STX2: variants seen among roughly 807,000 people sequenced by gnomAD.
STX2 encodes the protein syntaxin 2.
A neutral mutation model predicts 40.6 loss-of-function variants in STX2; 27 were observed. That is an observed-to-expected ratio of 0.66 (90% CI 0.49 to 0.92). The LOEUF (loss-of-function observed/expected upper bound fraction) is 0.92. Among genes scored for constraint, STX2 ranks in the 40% least tolerant of loss-of-function variants. The pLI is 0.00. For synonymous variants in STX2, 123 were observed against 119.1 expected (o/e 1.03, Z -0.22); for missense variants, 328 against 366.1 (o/e 0.90, Z 0.85).
At position 130,811,536 on chromosome 12, in the gene STX2, C is replaced by CTTTTTTT. The variant is rs71088788; in HGVS notation, c.280+1414_280+1420dup. Among the ~76,000 whole-genome samples, 4 of 95,552 alleles carry CTTTTTTT rather than the reference C, an allele frequency of 4.2e-5. 1 individual carries two copies. Among genetic ancestry groups the CTTTTTTT allele is most frequent in the Admixed American group, 1.3e-4 (1 of 7,612 alleles). The allele number at this position is 95,552 out of a possible 152,430, so 62.7% of individuals were successfully genotyped here. ...AAAATGTTAATGTCACCATTAACAT[C>CTTTTTTT]TTTTTTTTTTTTTTTTTTTTTGAGA... On this transcript the variant is annotated intron_variant, in intron 4 of 10. Coordinates refer to ENST00000392373, the MANE Select transcript of STX2 (RefSeq NM_194356.4).
At chr12:130,815,381 C>T (rs912672477) in intron 3 of STX2, among the ~76,000 whole-genome samples, 1 of 152,188 alleles carries the variant, frequency 6.6e-6, no homozygotes, top group Non-Finnish European at 1.5e-5. Flanking sequence ...AGCGTGACGA[C>T]GGGGTGTTCG....
chr12:130,804,111 G>C (rs1951335996), intron 6 of STX2, among the ~76,000 whole-genome samples: 1 of 152,162 alleles, frequency 6.6e-6, no homozygotes, highest in Non-Finnish European at 1.5e-5. Flanking sequence ...AACCATTCCA[G>C]AGAAAGCACT....
intron 9 of STX2, among the ~76,000 whole-genome samples, chr12:130,797,798 G>C (rs1234102756): frequency 2.6e-5 from 4 of 152,248 alleles, no homozygotes; most frequent in African/African-American, 9.6e-5. Context: ...TGTGCATCTT[G>C]AGTGAAAGGG....
intron 3 of STX2, among the ~76,000 whole-genome samples, chr12:130,820,471 G>A (rs1005127027): frequency 6.6e-6 from 1 of 152,154 alleles, no homozygotes; most frequent in Non-Finnish European, 1.5e-5. Context: ...TTCAAGACCA[G>A]CCTGGCCAAT....
rs1950853480 is a variant in STX2, at chr12:130,790,577, A to ATTTTGG, written c.*1440_*1445dup. The ATTTTGG allele has an allele frequency of 6.6e-6, 1 of 152,232 alleles. No homozygotes were observed. Among genetic ancestry groups the ATTTTGG allele is most frequent in the African/African-American group, 2.4e-5 (1 of 41,452 alleles). The allele number at this position is 152,232 out of a possible 1,614,324, so 9.4% of individuals were successfully genotyped here. On this transcript the variant is annotated 3_prime_UTR_variant, in exon 11 of 11. Coordinates refer to ENST00000392373, the MANE Select transcript of STX2 (RefSeq NM_194356.4). ...GTTTAATTATCATGAATCCCTATACATTTTGGAAATTAACTTTTAAAAGTT... is the reference window on the plus strand; with the variant it reads ...GTTTAATTATCATGAATCCCTATACATTTTGGTTTTGGAAATTAACTTTTAAAAGTT...
At chr12:130,797,536 C>T (rs901210261) in intron 9 of STX2, among the ~76,000 whole-genome samples, 6 of 152,096 alleles carry the variant, frequency 3.9e-5, no homozygotes, top group East Asian at 1.9e-4. Context: ...GCCTGCAGCC[C>T]GGGGGTGCGT....
At chr12:130,808,608 T>C in intron 5 of STX2, 23 bp downstream of exon 5, 1 of 1,602,726 alleles carries the variant, frequency 6.2e-7, no homozygotes, top group Non-Finnish European at 8.5e-7. Context: ...ATTACTTTAA[T>C]CTAAACGAGG....
chr12:130,799,455 G>A (rs1165157251), intron 8 of STX2, among the ~76,000 whole-genome samples: 1 of 152,194 alleles, frequency 6.6e-6, no homozygotes, highest in South Asian at 2.1e-4. Context: ...AGTAATTACA[G>A]AAATCATCTC....
chr12:130,818,569 C>A (rs928276807), intron 3 of STX2, among the ~76,000 whole-genome samples: 1 of 152,198 alleles, frequency 6.6e-6, no homozygotes, highest in Non-Finnish European at 1.5e-5. Flanking sequence ...TCCAGGGCCT[C>A]AGGGGCCTCC....
chr12:130,819,582 T>G (rs1952034294), intron 3 of STX2, among the ~76,000 whole-genome samples: 1 of 152,244 alleles, frequency 6.6e-6, no homozygotes, highest in African/African-American at 2.4e-5. Context: ...CAAAAAATAG[T>G]TCTCTCTGCT....
intron 10 of STX2, among the ~76,000 whole-genome samples, chr12:130,793,394 G>T (rs76615114): frequency 2.9e-3 from 444 of 152,244 alleles, no homozygotes; most frequent in African/African-American, 0.01. Flanking sequence ...AGAGGGAGGC[G>T]CGCGCCCTCC....
chr12:130,812,756 GTAACAGTA>G lies in STX2; in HGVS notation c.280+193_280+200del, dbSNP rs1951708037. The G allele has an allele frequency of 8.9e-6, 4 of 451,392 alleles. No homozygotes were observed. In the East Asian group the frequency reaches 1.6e-4, roughly 18 times the overall value. 28.0% of individuals were successfully genotyped at this position (451,392 alleles called of 1,614,324 possible). ...CTTAGCCTGAAATGTCATCAAAAAT[GTAACAGTA>G]TAACAGTTTATAAGCAAACACATAA... is the stretch of plus-strand genomic sequence containing the variant. On this transcript the variant is annotated intron_variant, in intron 4 of 10. Coordinates refer to ENST00000392373, the MANE Select transcript of STX2 (RefSeq NM_194356.4).
intron 10 of STX2, among the ~76,000 whole-genome samples, chr12:130,793,543 C>T (rs528793581): frequency 6.6e-6 from 1 of 152,342 alleles, no homozygotes; most frequent in East Asian, 1.9e-4. Context: ...CCACATCTGG[C>T]TTTCAGGATG....
At chr12:130,830,270 C>T (rs1271140826) in intron 1 of STX2, among the ~76,000 whole-genome samples, 2 of 152,154 alleles carry the variant, frequency 1.3e-5, no homozygotes, top group African/African-American at 2.4e-5. Context: ...TGCTCCCCAG[C>T]GCCACGCTTC....
chr12:130,829,614 C>T (rs1201401061), intron 1 of STX2, among the ~76,000 whole-genome samples: 1 of 152,204 alleles, frequency 6.6e-6, no homozygotes, highest in Non-Finnish European at 1.5e-5. Context: ...GTGCCAGCCC[C>T]GCCTCTCGGG....
Position 130,804,595 on chromosome 12 carries a change from T to C in STX2, c.463+2387A>G, listed in dbSNP as rs141789777. 4.8e-3 allele frequency among the ~76,000 whole-genome samples: 736 copies of C among 152,178 alleles called. 2 individuals are homozygous for C. The highest frequency in any genetic ancestry group is 0.017 in the African/African-American group (698 of 41,508). ...AGGCGGCTGTGGGGTCCACCGTCTCTGTCTCTCGGGGGCTTCTGTTCGTAC... is the reference window on the plus strand; with the variant it reads ...AGGCGGCTGTGGGGTCCACCGTCTCCGTCTCTCGGGGGCTTCTGTTCGTAC... On this transcript the variant is annotated intron_variant, in intron 6 of 10. Coordinates refer to ENST00000392373, the MANE Select transcript of STX2 (RefSeq NM_194356.4).
chr12:130,831,467 C>A (rs1952553958), intron 1 of STX2, among the ~76,000 whole-genome samples: 1 of 152,118 alleles, frequency 6.6e-6, no homozygotes, highest in Non-Finnish European at 1.5e-5. Flanking sequence ...GAGTTTGAGA[C>A]CAGCCTGGGC....
At chr12:130,807,484 G>A (rs550108409) in intron 5 of STX2, among the ~76,000 whole-genome samples, 19 of 149,848 alleles carry the variant, frequency 1.3e-4, no homozygotes, top group Non-Finnish European at 2.7e-4. Context: ...GTGCTTCATC[G>A]CCTTGTGCCC....
Position 130,832,928 on chromosome 12 carries a change from G to A in STX2, c.31-5661C>T, listed in dbSNP as rs552446686. On this transcript the variant is annotated intron_variant, in intron 1 of 10. Coordinates refer to ENST00000392373, the MANE Select transcript of STX2 (RefSeq NM_194356.4). ...TCTTATCCACAGCTCAGCTCACGGGGTGGCCCCCTGACCCACCCGGCCAAG... is the reference window on the plus strand; with the variant it reads ...TCTTATCCACAGCTCAGCTCACGGGATGGCCCCCTGACCCACCCGGCCAAG... Among the ~76,000 whole-genome samples the A allele has an allele frequency of 1.6e-4, 25 of 152,268 alleles. No homozygotes were observed. The South Asian group carries it at 3.3e-3, about 20-fold the overall frequency.
Sources: allele counts gnomAD v4.1 joint callset (sites outside exome capture counted in the v4.1 genomes callset), GRCh38; gene constraint gnomAD v4.1.1; transcripts MANE v1.5; gene names NCBI Gene and HGNC (gene_info 2026-07-23, HGNC 2026-07-21).